The following MAMDC2 variants were observed in gnomAD, a reference collection of about 807,000 sequenced individuals.
The protein encoded by MAMDC2 is MAM domain containing 2.
In MAMDC2, 57 loss-of-function variants were observed where a neutral mutation model predicts 89.8. The ratio of observed to expected loss-of-function variants is 0.63; its 90% confidence interval spans 0.51 to 0.79. MAMDC2 has a LOEUF of 0.79. Among genes scored for constraint, MAMDC2 ranks in the 30% least tolerant of loss-of-function variants. The probability of loss-of-function intolerance (pLI) is 0.00; values close to 1 mark genes in which losing one functional copy is unlikely to be tolerated. For synonymous variants in MAMDC2, 313 were observed against 293.4 expected, an observed-to-expected ratio of 1.07 and a Z score of -0.68; for missense variants, 800 against 820.6, an observed-to-expected ratio of 0.97 and a Z score of 0.31.
At chr9:70,185,463 G>A (rs1356593898) in intron 11 of MAMDC2, among the ~76,000 whole-genome samples, 2 of 152,184 alleles carry the variant, frequency 1.3e-5, no homozygotes, top group Non-Finnish European at 2.9e-5. Flanking sequence ...GAGCCGGCAG[G>A]GAGGGACATT....
chr9:70,125,233 G>T (rs1233518749), intron 5 of MAMDC2, among the ~76,000 whole-genome samples: 1 of 152,180 alleles, frequency 6.6e-6, no homozygotes, highest in African/African-American at 2.4e-5. Context: ...GAATGGCGTT[G>T]TAATTGTTAG....
At chr9:70,068,037 G>A (rs1327776932) in intron 2 of MAMDC2, among the ~76,000 whole-genome samples, 1 of 152,192 alleles carries the variant, frequency 6.6e-6, no homozygotes, top group Non-Finnish European at 1.5e-5. Flanking sequence ...TGGCTCAAAT[G>A]AACTCGTCTG....
intron 2 of MAMDC2, among the ~76,000 whole-genome samples, chr9:70,076,654 T>A (rs1388516587): frequency 2.6e-5 from 4 of 152,206 alleles, no homozygotes; most frequent in South Asian, 2.1e-4. Flanking sequence ...AAACTTTTTT[T>A]AAAGTGTTTT....
intron 2 of MAMDC2, among the ~76,000 whole-genome samples, chr9:70,092,087 A>C (rs1168314155): frequency 6.6e-6 from 1 of 152,248 alleles, no homozygotes; most frequent in East Asian, 1.9e-4. Flanking sequence ...TTTAACACCT[A>C]TTATGTTACT....
At chr9:70,199,801 G>C in intron 11 of MAMDC2, among the ~76,000 whole-genome samples, 1 of 147,362 alleles carries the variant, frequency 6.8e-6, no homozygotes, top group African/African-American at 2.5e-5. Flanking sequence ...CTGAGGGCCA[G>C]TGATGATGAG....
chr9:70,158,148 TG>T (rs1254623706), intron 9 of MAMDC2, among the ~76,000 whole-genome samples: 5 of 152,094 alleles, frequency 3.3e-5, no homozygotes, highest in Non-Finnish European at 7.4e-5. Flanking sequence ...TGTAGAAATG[TG>T]GTCTCACTAT....
chr9:70,168,544 C>T (rs1234731458), intron 9 of MAMDC2, 158 bp from the exon 10 acceptor site: 7 of 591,318 alleles, frequency 1.2e-5, no homozygotes, highest in Non-Finnish European at 2.1e-5. Context: ...CAGATGGTAA[C>T]CATTCTTCTT....
chr9:70,072,282 G>A (rs1827426355), intron 2 of MAMDC2, among the ~76,000 whole-genome samples: 1 of 152,122 alleles, frequency 6.6e-6, no homozygotes, highest in South Asian at 2.1e-4. Flanking sequence ...TCAAATAAAT[G>A]TGGTTCACCA....
intron 7 of MAMDC2, 133 bp downstream of exon 7, chr9:70,131,745 C>G (rs562664365): frequency 4.3e-6 from 3 of 696,814 alleles, no homozygotes. Flanking sequence ...ATTATTTAAT[C>G]AAAGGTCATT....
chr9:70,140,134 C>T lies in MAMDC2; in HGVS notation c.995-11C>T. On this transcript the variant is annotated splice_polypyrimidine_tract_variant and intron_variant, in intron 7 of 13. Transcript: ENST00000377182. The stretch of plus-strand genomic sequence containing the variant: ...TGGGACTGTCATTAACTTTGCTTGT[C>T]CTTTGCTCAGAACTTCTGTTCAGTG... 1.3e-6 allele frequency: 2 copies of T among 1,552,338 alleles called. No individual in the cohort carries two copies. Among genetic ancestry groups the T allele is most frequent in the Non-Finnish European group, 1.7e-6 (2 of 1,160,052 alleles).
At chr9:70,061,257 C>T (rs886592114) in intron 2 of MAMDC2, among the ~76,000 whole-genome samples, 1 of 152,144 alleles carries the variant, frequency 6.6e-6, no homozygotes, top group East Asian at 1.9e-4. Context: ...TGAGTGACAT[C>T]CCTTCTAGTT....
At chr9:70,155,934 TTG>T (rs1300907462) in intron 9 of MAMDC2, among the ~76,000 whole-genome samples, 1 of 152,212 alleles carries the variant, frequency 6.6e-6, no homozygotes, top group African/African-American at 2.4e-5. Context: ...GGAATGGTAT[TTG>T]TGTAATGAAG....
At chr9:70,188,473 T>G (rs1327890349) in intron 11 of MAMDC2, 1 of 152,162 alleles carries the variant, frequency 6.6e-6, no homozygotes, top group Non-Finnish European at 1.5e-5. Context: ...TACTATATAT[T>G]TCTAAGTTAT....
intron 1 of MAMDC2, 80 bp downstream of exon 1, chr9:70,044,311 C>T: frequency 2.7e-6 from 4 of 1,498,114 alleles, no homozygotes; most frequent in East Asian, 2.3e-5. Context: ...GGGTCCGGCT[C>T]ACCGTGCTGG....
intron 2 of MAMDC2, among the ~76,000 whole-genome samples, chr9:70,053,019 G>A (rs183657803): frequency 6.6e-6 from 1 of 152,286 alleles, no homozygotes; most frequent in Admixed American, 6.5e-5. Flanking sequence ...TGCTGGGGCT[G>A]GAAAGTATTT....
At chr9:70,133,484 T>C (rs567654762) in intron 7 of MAMDC2, among the ~76,000 whole-genome samples, 67 of 152,332 alleles carry the variant, frequency 4.4e-4, no homozygotes, top group African/African-American at 8.7e-4. Flanking sequence ...TCCGCAGATA[T>C]GAGTTCTTAT....
intron 2 of MAMDC2, among the ~76,000 whole-genome samples, chr9:70,076,249 C>A (rs2975903): frequency 6.6e-6 from 1 of 152,096 alleles, no homozygotes; most frequent in Non-Finnish European, 1.5e-5. Flanking sequence ...AGCAAAACCC[C>A]GTCTTTACTA....
chr9:70,058,242 A>G (rs1365763614), intron 2 of MAMDC2, among the ~76,000 whole-genome samples: 3 of 152,224 alleles, frequency 2.0e-5, no homozygotes, highest in Admixed American at 6.5e-5. Flanking sequence ...AATGTTCTTT[A>G]CAGATGAAGA....
intron 2 of MAMDC2, among the ~76,000 whole-genome samples, chr9:70,054,106 T>A (rs188985301): frequency 9.1e-4 from 139 of 152,282 alleles, no homozygotes; most frequent in African/African-American, 3.0e-3. Context: ...TGATCAGTTC[T>A]GAGCTGCCTG....
Sources: allele counts gnomAD v4.1 joint callset (sites outside exome capture counted in the v4.1 genomes callset), GRCh38; gene constraint gnomAD v4.1.1; transcripts MANE v1.5; gene names NCBI Gene and HGNC (gene_info 2026-07-23, HGNC 2026-07-21).